The following CDHR3 variants were observed in gnomAD, a reference collection of about 807,000 sequenced individuals.
The protein encoded by CDHR3 is cadherin related family member 3.
Under a neutral mutation model 86.6 loss-of-function variants are expected in CDHR3, and 79 were observed. The ratio of observed to expected loss-of-function variants is 0.91; its 90% CI spans 0.76 to 1.10. The LOEUF is 1.10. CDHR3 is among the 50% of genes least tolerant of loss of function. The pLI is 0.00. For missense variants in CDHR3, 1,081 were observed against 1,077.6 expected (o/e 1.00, Z -0.04); for synonymous variants, 421 against 402.4 (o/e 1.05, Z -0.55).
At chr7:105,996,218 T>G in intron 5 of CDHR3, 32 bp from the exon 6 acceptor site, 2 of 1,241,410 alleles carry the variant, frequency 1.6e-6, no homozygotes, top group Non-Finnish European at 2.4e-6. Context: ...CAGCAAAGCT[T>G]GATTCTCTCA....
At chr7:106,009,233 C>T (rs1466182342) in intron 8 of CDHR3, among the ~76,000 whole-genome samples, 1 of 152,162 alleles carries the variant, frequency 6.6e-6, no homozygotes, top group African/African-American at 2.4e-5. Context: ...CTCAGCCACC[C>T]TATGAACGCC....
intron 16 of CDHR3, among the ~76,000 whole-genome samples, chr7:106,027,491 G>A (rs982950099): frequency 3.6e-4 from 55 of 152,170 alleles, no homozygotes; most frequent in African/African-American, 1.2e-3. Context: ...GTGAGAAGGG[G>A]GAGATGAGGG....
Position 106,033,626 on chromosome 7 carries a change from G to A in CDHR3, c.*929G>A, listed in dbSNP as rs1023299942. 1 of 152,166 alleles carries A rather than the reference G, an allele frequency of 6.6e-6. No homozygotes were observed. Among genetic ancestry groups the A allele is most frequent in the Admixed American group, 6.5e-5 (1 of 15,288 alleles). The allele number at this position is 152,166 out of a possible 1,614,324, so 9.4% of individuals were successfully genotyped here. A position where few individuals can be genotyped will look rare whatever the true frequency, so the allele number is the denominator to read the frequency against. On this transcript the variant is annotated 3_prime_UTR_variant, in exon 19 of 19. Transcript: ENST00000317716. ...GTGGTGGTGGGCACATGTAATCCCA[G>A]CTACTTGGGAGGCTGAGGTAGGGAG...
chr7:105,979,819 A>G (rs1307558570), intron 2 of CDHR3, among the ~76,000 whole-genome samples: 2 of 152,190 alleles, frequency 1.3e-5, no homozygotes, highest in Non-Finnish European at 2.9e-5. Context: ...AAGGACATAC[A>G]TGGAATTTAG....
chr7:106,006,961 G>A (rs1438511810), intron 8 of CDHR3, among the ~76,000 whole-genome samples: 1 of 152,238 alleles, frequency 6.6e-6, no homozygotes, highest in Non-Finnish European at 1.5e-5. Flanking sequence ...GGGCATCCAG[G>A]CATTTCCATA....
intron 4 of CDHR3, among the ~76,000 whole-genome samples, chr7:105,994,008 G>A (rs538031793): frequency 6.6e-6 from 1 of 152,362 alleles, no homozygotes; most frequent in South Asian, 2.1e-4. Flanking sequence ...CCAGGGATTA[G>A]ATTTCAAAAC....
At chr7:105,979,500 G>A (rs1001014470) in intron 2 of CDHR3, among the ~76,000 whole-genome samples, 6 of 152,158 alleles carry the variant, frequency 3.9e-5, no homozygotes, top group Admixed American at 2.0e-4. Flanking sequence ...ACTCCTCTAC[G>A]AAGCCTTCCC....
At chr7:105,967,517 G>A (rs1563221363) in intron 1 of CDHR3, among the ~76,000 whole-genome samples, 3 of 152,306 alleles carry the variant, frequency 2.0e-5, no homozygotes, top group East Asian at 3.9e-4. Context: ...CTAGATCCTT[G>A]AGGAATCGCC....
At chr7:105,976,394 C>CTGAGAA (rs1418146052) in intron 2 of CDHR3, among the ~76,000 whole-genome samples, 1 of 152,186 alleles carries the variant, frequency 6.6e-6, no homozygotes, top group Non-Finnish European at 1.5e-5. Flanking sequence ...GGTAACTAAG[C>CTGAGAA]TGAGAATGGA....
intron 2 of CDHR3, 53 bp from the exon 3 acceptor site, chr7:105,980,915 G>A: frequency 6.5e-7 from 1 of 1,528,662 alleles, no homozygotes; most frequent in Non-Finnish European, 8.9e-7. Context: ...GTGCATGCAT[G>A]CAAAACAGAT....
At chr7:105,983,318 A>G (rs115364017) in intron 3 of CDHR3, among the ~76,000 whole-genome samples, 2,365 of 152,280 alleles carry the variant, frequency 0.016, 59 homozygotes, top group African/African-American at 0.055. Flanking sequence ...GCTCAGATGT[A>G]AGGCATCTGG....
rs755964080 is a variant in CDHR3 at position 106,034,290 on chromosome 7, C to T, written c.*1593C>T. On this transcript the variant is annotated 3_prime_UTR_variant, in exon 19 of 19. Coordinates refer to ENST00000317716, the MANE Select transcript of CDHR3 (RefSeq NM_152750.5). ...TCTATGCCCTGCTGCCCAGCTGCTG[C>T]GACCCTAGTCCAGTAACCCTAAGAA... is the stretch of plus-strand genomic sequence containing the variant. 5.3e-5 allele frequency among the ~76,000 whole-genome samples: 8 copies of T among 152,336 alleles called. No individual in the cohort carries two copies. The South Asian group carries it at 1.2e-3, about 24-fold the overall frequency.
At chr7:105,991,096 G>A (rs554094181) in intron 4 of CDHR3, among the ~76,000 whole-genome samples, 63 of 152,278 alleles carry the variant, frequency 4.1e-4, no homozygotes, top group African/African-American at 1.4e-3. Context: ...TGATTACTCA[G>A]GACTTTTCTT....
chr7:105,995,126 G>C (rs1312941219), intron 5 of CDHR3, among the ~76,000 whole-genome samples: 1 of 152,164 alleles, frequency 6.6e-6, no homozygotes, highest in African/African-American at 2.4e-5. Flanking sequence ...GACATAACCA[G>C]GTCCATGCAC....
At chr7:105,983,683 T>C (rs1830112270) in intron 3 of CDHR3, among the ~76,000 whole-genome samples, 1 of 152,170 alleles carries the variant, frequency 6.6e-6, no homozygotes, top group Non-Finnish European at 1.5e-5. Flanking sequence ...GTTCCTCCCT[T>C]GAGCCTCTGT....
intron 2 of CDHR3, among the ~76,000 whole-genome samples, chr7:105,977,420 C>T (rs1828996022): frequency 6.6e-6 from 1 of 152,208 alleles, no homozygotes; most frequent in African/African-American, 2.4e-5. Flanking sequence ...TGTTCCTAAC[C>T]TCTAGAAATG....
intron 1 of CDHR3, among the ~76,000 whole-genome samples, chr7:105,970,676 C>A (rs1481113283): frequency 6.6e-6 from 1 of 152,158 alleles, no homozygotes; most frequent in Non-Finnish European, 1.5e-5. Flanking sequence ...CTTAAGCTTA[C>A]CTGTATAACA....
intron 8 of CDHR3, among the ~76,000 whole-genome samples, chr7:106,010,809 G>A (rs1834684425): frequency 6.6e-6 from 1 of 152,248 alleles, no homozygotes. Flanking sequence ...GGCTGGGCAA[G>A]TCATCAGATC....
At chr7:106,006,230 A>G (rs767250003) in intron 8 of CDHR3, among the ~76,000 whole-genome samples, 61 of 152,264 alleles carry the variant, frequency 4.0e-4, no homozygotes, top group Non-Finnish European at 7.6e-4. Context: ...CCCTCCCACA[A>G]CATGTAGGAA....
Sources: allele counts gnomAD v4.1 joint callset (sites outside exome capture counted in the v4.1 genomes callset), GRCh38; gene constraint gnomAD v4.1.1; transcripts MANE v1.5; gene names NCBI Gene and HGNC (gene_info 2026-07-23, HGNC 2026-07-21).